SYT1: variants seen among roughly 807,000 people sequenced by gnomAD.
The protein encoded by SYT1 is synaptotagmin-1.
In SYT1, 8 loss-of-function variants were observed where a neutral mutation model predicts 44.8. The observed-to-expected ratio is 0.18, with a 90% CI of 0.10 to 0.32. SYT1 has a LOEUF of 0.32. SYT1 is among the 10% of genes least tolerant of loss of function. The pLI is 1.00. For synonymous variants in SYT1, 154 were observed against 188.8 expected (o/e 0.82, Z 1.51); for missense variants, 286 against 509.3 (o/e 0.56, Z 4.22).
chr12:79,423,234 G>A (rs1008503468), intron 9 of SYT1, among the ~76,000 whole-genome samples: 1 of 152,088 alleles, frequency 6.6e-6, no homozygotes, highest in African/African-American at 2.4e-5. Context: ...TTGTTTTAAT[G>A]TCCATATTAT....
intron 4 of SYT1, among the ~76,000 whole-genome samples, chr12:79,244,868 G>A (rs1876728730): frequency 6.6e-6 from 1 of 151,912 alleles, no homozygotes; most frequent in Non-Finnish European, 1.5e-5. Flanking sequence ...TCTATCTTTA[G>A]TTTCTTTTTC....
chr12:79,034,992 C>T (rs1203394577), intron 2 of SYT1, among the ~76,000 whole-genome samples: 1 of 151,582 alleles, frequency 6.6e-6, no homozygotes, highest in Non-Finnish European at 1.5e-5. Context: ...AAACCAAAGA[C>T]CACTTCCTCT....
At chr12:79,178,137 A>T (rs1872014654) in intron 3 of SYT1, among the ~76,000 whole-genome samples, 1 of 152,106 alleles carries the variant, frequency 6.6e-6, no homozygotes. Flanking sequence ...TCTTCCCAGG[A>T]TACCTTCTAC....
At chr12:79,245,780 T>C (rs1051625741) in intron 4 of SYT1, among the ~76,000 whole-genome samples, 7 of 152,036 alleles carry the variant, frequency 4.6e-5, no homozygotes, top group African/African-American at 1.4e-4. Context: ...AGATACCAAA[T>C]GAACATAATA....
chr12:79,409,504 C>G (rs1238426408), intron 9 of SYT1, among the ~76,000 whole-genome samples: 1 of 151,972 alleles, frequency 6.6e-6, no homozygotes, highest in Non-Finnish European at 1.5e-5. Context: ...TGCTTGTGAC[C>G]TAGAGTGAAT....
At chr12:79,438,842 T>G (rs1870239890) in intron 9 of SYT1, among the ~76,000 whole-genome samples, 1 of 152,224 alleles carries the variant, frequency 6.6e-6, no homozygotes, top group African/African-American at 2.4e-5. Context: ...CCCCGTAGCT[T>G]TAACACAGTG....
intron 3 of SYT1, among the ~76,000 whole-genome samples, chr12:79,078,737 A>T (rs1465085746): frequency 6.6e-6 from 1 of 151,980 alleles, no homozygotes; most frequent in Non-Finnish European, 1.5e-5. Context: ...TGTTCCCTCC[A>T]TGTGTCCATA....
At chr12:78,901,528 GC>G (rs1875663747) in intron 1 of SYT1, among the ~76,000 whole-genome samples, 1 of 152,054 alleles carries the variant, frequency 6.6e-6, no homozygotes, top group Non-Finnish European at 1.5e-5. Context: ...ATAAAACTAA[GC>G]TTTTGCCTAC....
At chr12:79,184,934 A>T (rs915771868) in intron 3 of SYT1, among the ~76,000 whole-genome samples, 54 of 152,152 alleles carry the variant, frequency 3.5e-4, no homozygotes, top group African/African-American at 1.3e-3. Context: ...TCTCCTCTGA[A>T]AATTCTTCTA....
chr12:78,952,184 C>T (rs1055747457), intron 1 of SYT1, among the ~76,000 whole-genome samples: 2 of 152,068 alleles, frequency 1.3e-5, no homozygotes, highest in Non-Finnish European at 2.9e-5. Context: ...CAATACTCAG[C>T]GCTTCAGTTT....
intron 3 of SYT1, among the ~76,000 whole-genome samples, chr12:79,165,013 A>G (rs1871152854): frequency 6.6e-6 from 1 of 152,010 alleles, no homozygotes; most frequent in South Asian, 2.1e-4. Flanking sequence ...GAGGAATCTT[A>G]TACTGGAATC....
chr12:79,280,626 G>C (rs1168364136), intron 4 of SYT1, among the ~76,000 whole-genome samples: 1 of 151,728 alleles, frequency 6.6e-6, no homozygotes, highest in Non-Finnish European at 1.5e-5. Context: ...GACCCCAAAA[G>C]CAAATGTAAT....
At chr12:79,381,830 G>A (rs890417231) in intron 9 of SYT1, among the ~76,000 whole-genome samples, 12 of 152,306 alleles carry the variant, frequency 7.9e-5, no homozygotes, top group African/African-American at 2.4e-4. Context: ...TTGTCCAGCT[G>A]AGGGGTGCTT....
intron 9 of SYT1, among the ~76,000 whole-genome samples, chr12:79,355,081 T>G (rs1285499413): frequency 6.6e-6 from 1 of 152,166 alleles, no homozygotes; most frequent in African/African-American, 2.4e-5. Flanking sequence ...TAGAGAGATA[T>G]TTCAACCACG....
At chr12:79,267,230 T>C (rs1264040070) in intron 4 of SYT1, among the ~76,000 whole-genome samples, 1 of 152,226 alleles carries the variant, frequency 6.6e-6, no homozygotes, top group East Asian at 1.9e-4. Flanking sequence ...TCTTTTATCA[T>C]AATTGAATTT....
chr12:79,437,664 T>C (rs1870169100), intron 9 of SYT1, among the ~76,000 whole-genome samples: 1 of 152,206 alleles, frequency 6.6e-6, no homozygotes, highest in Non-Finnish European at 1.5e-5. Context: ...AAGTTTACTT[T>C]ATATTATTTG....
chr12:79,192,173 G>A lies in SYT1; in HGVS notation c.-17-25330G>A, dbSNP rs1224827451. 2.6e-5 allele frequency among the ~76,000 whole-genome samples: 4 copies of A among 152,104 alleles called. No homozygotes were observed. The East Asian group carries it at 7.7e-4, about 29-fold the overall frequency. On this transcript the variant is annotated intron_variant, in intron 3 of 10. Transcript: ENST00000261205. Reference sequence around the variant, plus strand: ...TAAGAATGTCAGAAATACCTAGCAAGGACTAGGAGTGAGAAGGAACAGGAG... The same window carrying A: ...TAAGAATGTCAGAAATACCTAGCAAAGACTAGGAGTGAGAAGGAACAGGAG...
chr12:79,295,898 A>G (rs1879852559), intron 6 of SYT1, among the ~76,000 whole-genome samples, 171 bp from the exon 7 acceptor site: 1 of 152,242 alleles, frequency 6.6e-6, no homozygotes, highest in African/African-American at 2.4e-5. Flanking sequence ...TCTGAAGTCT[A>G]CATAGCTCAG....
chr12:79,246,565 C>G (rs575192715), intron 4 of SYT1, among the ~76,000 whole-genome samples: 1 of 152,176 alleles, frequency 6.6e-6, no homozygotes, highest in Non-Finnish European at 1.5e-5. Flanking sequence ...CTGGTCCTTG[C>G]TTCTAAGATG....
Sources: allele counts gnomAD v4.1 joint callset (sites outside exome capture counted in the v4.1 genomes callset), GRCh38; gene constraint gnomAD v4.1.1; transcripts MANE v1.5; gene names NCBI Gene and HGNC (gene_info 2026-07-23, HGNC 2026-07-21).